Variants in HORMAD2 observed in about 807,000 individuals in gnomAD.
HORMAD2 encodes HORMA domain-containing protein 2.
In HORMAD2, 45 loss-of-function variants were observed where a neutral mutation model predicts 38.8. That is an observed-to-expected ratio of 1.16 (90% CI 0.91 to 1.49). The LOEUF (loss-of-function observed/expected upper bound fraction) is 1.49, where lower values mean the gene tolerates loss of function less well. Ranked by LOEUF, HORMAD2 falls within the 40% of genes most tolerant of loss-of-function variation. The pLI is 0.00. For synonymous variants in HORMAD2, 126 were observed against 122.8 expected, an observed-to-expected ratio of 1.03 and a Z score of -0.17; for missense variants, 338 against 367.0, an observed-to-expected ratio of 0.92 and a Z score of 0.65.
chr22:30,132,857 C>T (rs549102316), intron 10 of HORMAD2, among the ~76,000 whole-genome samples: 46 of 152,004 alleles, frequency 3.0e-4, no homozygotes, highest in African/African-American at 9.4e-4. Flanking sequence ...GTTTCACTCA[C>T]ATTAAAGAAG....
intron 5 of HORMAD2, among the ~76,000 whole-genome samples, chr22:30,111,081 G>A (rs1272931601): frequency 2.7e-5 from 4 of 150,916 alleles, no homozygotes; most frequent in African/African-American, 9.8e-5. Flanking sequence ...GCTTGAACCC[G>A]GGAGGAGGAG....
At chr22:30,204,808 C>T in the HORMAD2 span, among the ~76,000 whole-genome samples, 2 of 152,162 alleles carry the variant, frequency 1.3e-5, no homozygotes, top group East Asian at 1.9e-4. Context: ...AGAAACAGAA[C>T]CTGAAAGAGC....
intron 10 of HORMAD2, among the ~76,000 whole-genome samples, chr22:30,175,268 T>TATATATAATATAATATAG (rs1569123137): frequency 1.4e-3 from 201 of 140,104 alleles, no homozygotes; most frequent in African/African-American, 5.3e-3. Context: ...ATATATATAA[T>TATATATAATATAATATAG]AATATATATA....
the HORMAD2 span, among the ~76,000 whole-genome samples, chr22:30,186,006 T>TG: frequency 2.2e-4 from 34 of 151,782 alleles, no homozygotes; most frequent in South Asian, 4.2e-4. Flanking sequence ...GTGTTTTTCT[T>TG]GGGGGGGGAG....
intron 1 of HORMAD2, among the ~76,000 whole-genome samples, chr22:30,084,227 C>T (rs1414066687): frequency 6.6e-6 from 1 of 152,180 alleles, no homozygotes; most frequent in Non-Finnish European, 1.5e-5. Context: ...AGTCCAAGAA[C>T]AAGGATATGC....
the HORMAD2 span, among the ~76,000 whole-genome samples, chr22:30,185,147 C>T: frequency 6.6e-6 from 1 of 152,102 alleles, no homozygotes; most frequent in African/African-American, 2.4e-5. Flanking sequence ...TGCCTGGGCT[C>T]TGGGATAGTT....
At chr22:30,088,363 A>G (rs2068623638) in intron 1 of HORMAD2, among the ~76,000 whole-genome samples, 1 of 151,512 alleles carries the variant, frequency 6.6e-6, no homozygotes, top group African/African-American at 2.4e-5. Context: ...TAAGGAATTT[A>G]CCAAATGCTA....
At position 30,176,279 on chromosome 22, in the gene HORMAD2, T is replaced by G. The variant is rs905735822; in HGVS notation, c.*112T>G. On this transcript the variant is annotated 3_prime_UTR_variant, in exon 11 of 11. Transcript: ENST00000336726. The stretch of plus-strand genomic sequence containing the variant: ...CTGTTACCAAAACCTTTTTCTAAAT[T>G]TTTTGCTCAATTTTTTTTGTCAGTT... The G allele has an allele frequency of 1.0e-5, 8 of 778,744 alleles. No individual in the cohort carries two copies. The highest frequency in any genetic ancestry group is 1.6e-5 in the Non-Finnish European group (8 of 499,914). The allele number at this position is 778,744 out of a possible 1,614,324, so 48.2% of individuals were successfully genotyped here. A position where few individuals can be genotyped will look rare whatever the true frequency, so the allele number is the denominator to read the frequency against.
chr22:30,190,968 C>CA, the HORMAD2 span, among the ~76,000 whole-genome samples: 2 of 151,112 alleles, frequency 1.3e-5, no homozygotes, highest in African/African-American at 4.8e-5. Flanking sequence ...TATTTTTAGT[C>CA]AAAAAAGTGG....
chr22:30,160,315 G>A (rs978744661), intron 10 of HORMAD2, among the ~76,000 whole-genome samples: 8 of 151,942 alleles, frequency 5.3e-5, no homozygotes, highest in African/African-American at 1.7e-4. Context: ...GTATTCTCTA[G>A]ATGGGGAGAA....
chr22:30,112,687 A>T (rs1320854612), intron 7 of HORMAD2, among the ~76,000 whole-genome samples, 165 bp downstream of exon 7: 1 of 152,106 alleles, frequency 6.6e-6, no homozygotes, highest in African/African-American at 2.4e-5. Context: ...CCAATCTCTT[A>T]TTATGAGATT....
chr22:30,128,967 C>A (rs1923069982), intron 10 of HORMAD2, among the ~76,000 whole-genome samples: 1 of 152,090 alleles, frequency 6.6e-6, no homozygotes, highest in Non-Finnish European at 1.5e-5. Context: ...GTAACCCCAG[C>A]ACTTTGGGAG....
chr22:30,113,752 G>A (rs553347974), intron 7 of HORMAD2, among the ~76,000 whole-genome samples: 1 of 151,876 alleles, frequency 6.6e-6, no homozygotes, highest in Admixed American at 6.6e-5. Context: ...AGCCTAACTG[G>A]TGCTATTCTA....
chr22:30,188,634 T>A, the HORMAD2 span, among the ~76,000 whole-genome samples: 1 of 152,244 alleles, frequency 6.6e-6, no homozygotes, highest in African/African-American at 2.4e-5. Context: ...ATGTTCTAAC[T>A]TGAATTGTGC....
At chr22:30,170,828 A>G (rs1277800958) in intron 10 of HORMAD2, among the ~76,000 whole-genome samples, 3 of 152,122 alleles carry the variant, frequency 2.0e-5, no homozygotes, top group Non-Finnish European at 4.4e-5. Flanking sequence ...CAATTTCTTT[A>G]GTCTTTTATT....
chr22:30,149,168 T>A (rs1924599628), intron 10 of HORMAD2, among the ~76,000 whole-genome samples: 1 of 152,200 alleles, frequency 6.6e-6, no homozygotes, highest in South Asian at 2.1e-4. Context: ...TCATAAGCCA[T>A]GATTGCTTTT....
chr22:30,135,630 G>A (rs1923598776), intron 10 of HORMAD2, among the ~76,000 whole-genome samples: 1 of 152,120 alleles, frequency 6.6e-6, no homozygotes, highest in Non-Finnish European at 1.5e-5. Context: ...AATTCCCAGA[G>A]CTCTCACAGG....
intron 3 of HORMAD2, among the ~76,000 whole-genome samples, chr22:30,102,667 C>T (rs530821085): frequency 9.2e-5 from 14 of 152,264 alleles, no homozygotes; most frequent in Non-Finnish European, 1.5e-4. Context: ...TTTCATTGTC[C>T]GGGCTGGAGT....
At chr22:30,103,404 A>T (rs1380454486) in intron 3 of HORMAD2, 33 bp from the exon 4 acceptor site, 2 of 1,225,454 alleles carry the variant, frequency 1.6e-6, no homozygotes. Context: ...GTCATTTAGT[A>T]GATAAAAATA....
Sources: allele counts gnomAD v4.1 joint callset (sites outside exome capture counted in the v4.1 genomes callset), GRCh38; gene constraint gnomAD v4.1.1; transcripts MANE v1.5; gene names NCBI Gene and HGNC (gene_info 2026-07-23, HGNC 2026-07-21).